The following IL13 variants were observed in gnomAD, a reference collection of about 807,000 sequenced individuals.
IL13 encodes the protein interleukin-13.
IL13 carries 9 observed loss-of-function variants against 11.1 expected under a neutral mutation model. The ratio of observed to expected loss-of-function variants is 0.81; its 90% CI spans 0.49 to 1.42. The LOEUF is 1.42. IL13 is among the 40% of genes most tolerant of loss of function. The pLI is 0.00. For missense variants in IL13, 181 were observed against 182.5 expected (o/e 0.99, Z 0.05); for synonymous variants, 75 against 76.9 (o/e 0.97, Z 0.13).
chr5:132,658,531 G>A, intron 1 of IL13, 171 bp downstream of exon 1: 1 of 564,904 alleles, frequency 1.8e-6, no homozygotes, highest in South Asian at 2.4e-5. Flanking sequence ...GGGCTGGGGG[G>A]CTCAGCACTG....
rs746947963 is a variant in IL13 at position 132,658,213 on chromosome 5, G to A, written c.27G>A (p.Leu9=). The change falls in exon 1 of 4, where the codon CTG becomes CTA. Residue 9 remains leucine, a synonymous_variant. Transcript: ENST00000304506. ...TGCATCCGCTCCTCAATCCTCTCCT[G>A]TTGGCACTGGGCCTCATGGCGCTTT... is the stretch of plus-strand genomic sequence containing the variant. MHPLLNPL[L]LALGLMALLL... is the part of the protein sequence containing the mutation. 2 of 1,612,118 alleles carry A rather than the reference G, an allele frequency of 1.2e-6. No individual in the cohort carries two copies. The highest frequency in any genetic ancestry group is 4.5e-5 in the East Asian group (2 of 44,882).
intron 3 of IL13, 129 bp from the exon 4 acceptor site, chr5:132,660,046 A>G: frequency 8.3e-7 from 1 of 1,211,740 alleles, no homozygotes; most frequent in East Asian, 2.5e-5. Flanking sequence ...CAGTAGAGGT[A>G]CTAACAGTAC....
chr5:132,657,524 C>CA (rs55912311), upstream of IL13, among the ~76,000 whole-genome samples: 1 of 151,918 alleles, frequency 6.6e-6, no homozygotes. Context: ...AAAAAAACAC[C>CA]AAAAAAGCTC....
In IL13 at chr5:132,659,901, C is replaced by G. The variant is rs544345482; in HGVS notation, c.333+73C>G. 2 of 1,568,300 alleles carry G rather than the reference C, an allele frequency of 1.3e-6. No individual in the cohort carries two copies. The highest frequency in any genetic ancestry group is 1.8e-5 in the Admixed American group (1 of 54,428). The stretch of plus-strand genomic sequence containing the variant: ...CAACCCTGGGCTCGCTGAAGGGAAG[C>G]TGGCTGAATATCCATGGTGTGTGTC... On this transcript the variant is annotated intron_variant, in intron 3 of 3. Transcript: ENST00000304506. The surrounding 1 kb of genome is among the most constrained non-coding windows in gnomAD (Gnocchi z 4.1).
Position 132,659,824 on chromosome 5 carries a change from C to T in IL13, c.329C>T (p.Ala110Val). The T allele has an allele frequency of 6.2e-7, 1 of 1,613,682 alleles. No homozygotes were observed. The highest frequency in any genetic ancestry group is 2.2e-5 in the East Asian group (1 of 44,884). Residue 110 changes from alanine (A) to valine (V), a missense_variant, in exon 3 of 4, where the codon GCT (alanine) becomes GTT (valine). By Grantham distance (64) the Ala-to-Val change is moderately conservative. Coordinates refer to ENST00000304506, the MANE Select transcript of IL13 (RefSeq NM_002188.3). The surrounding 1 kb of genome is among the most constrained non-coding windows in gnomAD (Gnocchi z 4.1). ...GGATTCTGCCCGCACAAGGTCTCAG[C>T]TGGGGTAAGGCATCCCCCACCCTCT... ...LSGFCPHKVS[A>V]GQFSSLHVRD...
chr5:132,657,313 G>A (rs1235369245), upstream of IL13: 2 of 152,450 alleles, frequency 1.3e-5, no homozygotes, highest in African/African-American at 4.8e-5. Flanking sequence ...CCTGGACTAA[G>A]GCTGCCAGCC....
At chr5:132,660,105 A>G in intron 3 of IL13, 70 bp from the exon 4 acceptor site, 1 of 1,488,964 alleles carries the variant, frequency 6.7e-7, no homozygotes, top group Non-Finnish European at 9.3e-7. Context: ...GTCCCTGGAA[A>G]GCCCCTGGTT....
chr5:132,658,364 A>G lies in IL13; in HGVS notation c.174+4A>G. 6.3e-7 allele frequency: 1 copy of G among 1,588,708 alleles called. No homozygotes were observed. Among genetic ancestry groups the G allele is most frequent in the Non-Finnish European group, 8.6e-7 (1 of 1,160,116 alleles). On this transcript the variant is annotated splice_donor_region_variant and intron_variant, in intron 1 of 3. Coordinates refer to ENST00000304506, the MANE Select transcript of IL13 (RefSeq NM_002188.3). Reference sequence around the variant, plus strand: ...CAACATCACCCAGAACCAGAAGGTGAGTGTCGGCTAGCCAGGGTCCTAGCT... The same window carrying G: ...CAACATCACCCAGAACCAGAAGGTGGGTGTCGGCTAGCCAGGGTCCTAGCT...
Position 132,660,267 on chromosome 5 carries a change from G to T in IL13, c.426G>T (p.Glu142Asp), listed in dbSNP as rs200247901. The change falls in exon 4 of 4, where the codon GAG becomes GAT. Residue 142 changes from glutamate (E) to aspartate (D), a missense_variant. Transcript: ENST00000304506. ...TACATTTAAAGAAACTTTTTCGCGA[G>T]GGACAGTTCAACTGAAACTTCGAAA... ...LLLHLKKLFREGQFN is the reference protein window; with the variant it reads ...LLLHLKKLFRDGQFN 5.4e-5 allele frequency: 87 copies of T among 1,614,024 alleles called. 1 individual carries two copies. In the South Asian group the frequency reaches 6.1e-4, roughly 11 times the overall value.
Position 132,659,802 on chromosome 5 carries a change from T to A in IL13, c.307T>A (p.Phe103Ile). 6.2e-7 allele frequency: 1 copy of A among 1,613,764 alleles called. No homozygotes were observed. Among genetic ancestry groups the A allele is most frequent in the East Asian group, 2.2e-5 (1 of 44,874 alleles). ...GAAGACCCAGAGGATGCTGAGCGGA[T>A]TCTGCCCGCACAAGGTCTCAGCTGG... is the stretch of plus-strand genomic sequence containing the variant. ...IEKTQRMLSG[F>I]CPHKVSAGQF... Residue 103 changes from phenylalanine (F) to isoleucine (I), a missense_variant, in exon 3 of 4, where the codon TTC becomes ATC. Physicochemically the swap from Phe to Ile is conservative, Grantham distance 21. Coordinates refer to ENST00000304506, the MANE Select transcript of IL13 (RefSeq NM_002188.3). This position sits in a 1 kb window ranked among gnomAD's most constrained non-coding sequence, Gnocchi z 4.1.
rs1221925027 is a variant in IL13, at chr5:132,659,503, C to T, written c.228+32C>T. 1 of 1,589,898 alleles carries T rather than the reference C, an allele frequency of 6.3e-7. No individual in the cohort carries two copies. The highest frequency in any genetic ancestry group is 2.2e-5 in the East Asian group (1 of 44,688). ...ACCTTTGGGTGCAGGGAGGATGGGG[C>T]AGAGGCTCCAGGCCTTGGGCTTATC... On this transcript the variant is annotated intron_variant, in intron 2 of 3. Coordinates refer to ENST00000304506, the MANE Select transcript of IL13 (RefSeq NM_002188.3). The surrounding 1 kb of genome is among the most constrained non-coding windows in gnomAD (Gnocchi z 4.1).
chr5:132,660,294 C>T lies in IL13; in HGVS notation c.*12C>T, dbSNP rs374535004. 17 of 1,612,852 alleles carry T rather than the reference C, an allele frequency of 1.1e-5. No individual in the cohort carries two copies. The highest frequency in any genetic ancestry group is 1.4e-5 in the Non-Finnish European group (17 of 1,179,764). On this transcript the variant is annotated 3_prime_UTR_variant, in exon 4 of 4. Coordinates refer to ENST00000304506, the MANE Select transcript of IL13 (RefSeq NM_002188.3). Reference sequence around the variant, plus strand: ...GACAGTTCAACTGAAACTTCGAAAGCATCATTATTTGCAGAGACAGGACCT... The same window carrying T: ...GACAGTTCAACTGAAACTTCGAAAGTATCATTATTTGCAGAGACAGGACCT...
chr5:132,659,862 G>T lies in IL13; in HGVS notation c.333+34G>T. 2 of 1,606,994 alleles carry T rather than the reference G, an allele frequency of 1.2e-6. No homozygotes were observed. The highest frequency in any genetic ancestry group is 1.1e-5 in the South Asian group (1 of 90,252). ...TCCCCCACCCTCTCACACCCACCCTGCACCCCCTCCTGCCAACCCTGGGCT... is the reference window on the plus strand; with the variant it reads ...TCCCCCACCCTCTCACACCCACCCTTCACCCCCTCCTGCCAACCCTGGGCT... On this transcript the variant is annotated intron_variant, in intron 3 of 3. Transcript: ENST00000304506. This position sits in a 1 kb window ranked among gnomAD's most constrained non-coding sequence, Gnocchi z 4.1.
Position 132,659,860 on chromosome 5 carries a change from C to T in IL13, c.333+32C>T, listed in dbSNP as rs201744269. 169 of 1,607,904 alleles carry T rather than the reference C, an allele frequency of 1.1e-4. No homozygotes were observed. Among genetic ancestry groups the T allele is most frequent in the Middle Eastern group, 4.0e-4 (2 of 5,054 alleles). On this transcript the variant is annotated intron_variant, in intron 3 of 3. Coordinates refer to ENST00000304506, the MANE Select transcript of IL13 (RefSeq NM_002188.3). This position sits in a 1 kb window ranked among gnomAD's most constrained non-coding sequence, Gnocchi z 4.1. The stretch of plus-strand genomic sequence containing the variant: ...CATCCCCCACCCTCTCACACCCACC[C>T]TGCACCCCCTCCTGCCAACCCTGGG...
chr5:132,658,149 G>C (rs1752073224), upstream of IL13: 2 of 1,392,258 alleles, frequency 1.4e-6, no homozygotes, highest in East Asian at 4.7e-5. Context: ...GCCTATAAAA[G>C]CTGCCACAAG....
rs1581035135 is a variant in IL13 at position 132,659,338 on chromosome 5, G to A, written c.175-80G>A. ...CAGGGATGCTTGTGGGGCCTGTGCT[G>A]GGGCAGACCTGGCCTGGGCTGCCAG... On this transcript the variant is annotated intron_variant, in intron 1 of 3. Transcript: ENST00000304506. The surrounding 1 kb of genome is among the most constrained non-coding windows in gnomAD (Gnocchi z 4.1). 1.7e-5 allele frequency: 17 copies of A among 1,000,314 alleles called. No homozygotes were observed. In the East Asian group the frequency reaches 4.1e-4, roughly 24 times the overall value. The allele number at this position is 1,000,314 out of a possible 1,614,324, so 62.0% of individuals were successfully genotyped here. A position where few individuals can be genotyped will look rare whatever the true frequency, so the allele number is the denominator to read the frequency against.
Position 132,659,520 on chromosome 5 carries a change from G to A in IL13, c.228+49G>A. On this transcript the variant is annotated intron_variant, in intron 2 of 3. Transcript: ENST00000304506. This position sits in a 1 kb window ranked among gnomAD's most constrained non-coding sequence, Gnocchi z 4.1. Reference sequence around the variant, plus strand: ...GGATGGGGCAGAGGCTCCAGGCCTTGGGCTTATCTTCTCTGAGCCTCCCTT... The same window carrying A: ...GGATGGGGCAGAGGCTCCAGGCCTTAGGCTTATCTTCTCTGAGCCTCCCTT... 6.4e-7 allele frequency: 1 copy of A among 1,574,104 alleles called. No homozygotes were observed. The highest frequency in any genetic ancestry group is 8.7e-7 in the Non-Finnish European group (1 of 1,147,812).
At chr5:132,658,709 A>T (rs574206329) in intron 1 of IL13, 2 of 243,582 alleles carry the variant, frequency 8.2e-6, no homozygotes, top group Admixed American at 1.0e-4. Flanking sequence ...CTGGATTTTG[A>T]CCATAACAAT....
intron 3 of IL13, 106 bp from the exon 4 acceptor site, chr5:132,660,069 G>T: frequency 7.8e-7 from 1 of 1,283,178 alleles, no homozygotes; most frequent in Non-Finnish European, 1.1e-6. Flanking sequence ...ACCTCATGGG[G>T]ACTTCCGTGA....
Sources: allele counts gnomAD v4.1 joint callset (sites outside exome capture counted in the v4.1 genomes callset), GRCh38; gene constraint gnomAD v4.1.1; non-coding constraint Gnocchi (gnomAD v3.1); transcripts MANE v1.5; gene names NCBI Gene and HGNC (gene_info 2026-07-23, HGNC 2026-07-21).